The following ATP13A4 variants were observed in gnomAD, a reference collection of about 807,000 sequenced individuals.
The protein encoded by ATP13A4 is ATPase 13A4, also known as probable cation-transporting ATPase 13A4.
Under a neutral mutation model 142.5 loss-of-function variants are expected in ATP13A4, and 114 were observed. The observed-to-expected ratio is 0.80, with a 90% CI of 0.69 to 0.93. The LOEUF (loss-of-function observed/expected upper bound fraction) is 0.93. Among genes scored for constraint, ATP13A4 ranks in the 40% least tolerant of loss-of-function variants. The pLI is 0.00. For missense variants in ATP13A4, 1,392 were observed against 1,454.0 expected (o/e 0.96, Z 0.69); for synonymous variants, 488 against 514.8 (o/e 0.95, Z 0.70).
At chr3:193,570,165 T>A (rs566915359) in intron 2 of ATP13A4, among the ~76,000 whole-genome samples, 1 of 152,010 alleles carries the variant, frequency 6.6e-6, no homozygotes, top group South Asian at 2.1e-4. Flanking sequence ...AATTAAAAAT[T>A]AGCCAGGCGT....
At chr3:193,526,364 C>T (rs1278942150) in intron 1 of ATP13A4, among the ~76,000 whole-genome samples, 2 of 152,096 alleles carry the variant, frequency 1.3e-5, no homozygotes, top group Admixed American at 1.3e-4. Flanking sequence ...AACCAAACAC[C>T]ACATTTTCTC....
intron 26 of ATP13A4, 64 bp from the exon 27 acceptor site, chr3:193,412,435 C>A (rs762614629): frequency 1.4e-6 from 2 of 1,432,726 alleles, no homozygotes; most frequent in Middle Eastern, 2.4e-4. Context: ...GCATTTGTAT[C>A]CAGAAGATTC....
At chr3:193,522,096 G>A (rs901014770) in intron 1 of ATP13A4, among the ~76,000 whole-genome samples, 1 of 152,214 alleles carries the variant, frequency 6.6e-6, no homozygotes, top group African/African-American at 2.4e-5. Context: ...CAGCTGAGCT[G>A]CAGTCTGATT....
chr3:193,430,825 A>G (rs1188385705), intron 25 of ATP13A4, among the ~76,000 whole-genome samples: 2 of 152,116 alleles, frequency 1.3e-5, no homozygotes, highest in Non-Finnish European at 2.9e-5. Context: ...GAAGCATTGG[A>G]GCATTTTAAG....
chr3:193,555,833 C>T (rs913616417), upstream of ATP13A4, among the ~76,000 whole-genome samples: 23 of 152,212 alleles, frequency 1.5e-4, no homozygotes, highest in Non-Finnish European at 3.1e-4. Context: ...TGGCAAAATA[C>T]CTGTATTCCA....
At chr3:193,419,935 C>G (rs1473904609) in intron 25 of ATP13A4, among the ~76,000 whole-genome samples, 1 of 149,976 alleles carries the variant, frequency 6.7e-6, no homozygotes, top group Non-Finnish European at 1.5e-5. Context: ...TATGGAATAC[C>G]ACTGTGCCCC....
intron 3 of ATP13A4, among the ~76,000 whole-genome samples, chr3:193,498,252 A>G (rs1720352820): frequency 6.6e-6 from 1 of 152,024 alleles, no homozygotes; most frequent in Non-Finnish European, 1.5e-5. Flanking sequence ...AGATTAAACC[A>G]GTAAAAAAAA....
At chr3:193,584,129 T>C (rs1414569088) in intron 1 of ATP13A4, among the ~76,000 whole-genome samples, 1 of 152,218 alleles carries the variant, frequency 6.6e-6, no homozygotes, top group Non-Finnish European at 1.5e-5. Flanking sequence ...GCTGTGCATG[T>C]GGCAAAGGGT....
intron 18 of ATP13A4, among the ~76,000 whole-genome samples, chr3:193,444,561 T>C (rs1460034234): frequency 6.6e-6 from 1 of 152,250 alleles, no homozygotes; most frequent in Non-Finnish European, 1.5e-5. Context: ...CTAATTTTCT[T>C]TACTCATGTT....
intron 8 of ATP13A4, among the ~76,000 whole-genome samples, chr3:193,481,544 T>A (rs1577008707): frequency 6.6e-6 from 1 of 152,200 alleles, no homozygotes; most frequent in East Asian, 1.9e-4. Context: ...TTTTTCAGGA[T>A]GTATTACAAA....
intron 25 of ATP13A4, among the ~76,000 whole-genome samples, chr3:193,416,116 C>G (rs1427617932): frequency 6.6e-6 from 1 of 152,144 alleles, no homozygotes; most frequent in African/African-American, 2.4e-5. Flanking sequence ...AAAACATTAG[C>G]TGAACAAAAG....
intron 1 of ATP13A4, among the ~76,000 whole-genome samples, chr3:193,524,585 A>G (rs1356326583): frequency 1.3e-5 from 2 of 152,218 alleles, no homozygotes; most frequent in African/African-American, 4.8e-5. Flanking sequence ...TGCTCAGTGT[A>G]AAGACTCAAG....
chr3:193,571,152 C>T (rs1724255414), intron 2 of ATP13A4, among the ~76,000 whole-genome samples: 1 of 151,962 alleles, frequency 6.6e-6, no homozygotes, highest in Non-Finnish European at 1.5e-5. Context: ...GTGGCGTGGG[C>T]CTGTGATCCC....
chr3:193,543,167 C>CAAAAAAAAAAAA (rs566660322), intron 1 of ATP13A4, among the ~76,000 whole-genome samples: 26 of 115,126 alleles, frequency 2.3e-4, no homozygotes, highest in Non-Finnish European at 3.6e-4. Flanking sequence ...GACTCCATCT[C>CAAAAAAAAAAAA]AAAAAAAAAA....
At chr3:193,579,713 A>T (rs576891361) in intron 2 of ATP13A4, among the ~76,000 whole-genome samples, 69 of 129,160 alleles carry the variant, frequency 5.3e-4, no homozygotes, top group Non-Finnish European at 8.5e-4. Flanking sequence ...CGTGCTCTCC[A>T]AAGTGACCTT....
rs561077176 is a variant in ATP13A4 at position 193,474,491 on chromosome 3, G to C, written c.809-3498C>G. Among the ~76,000 whole-genome samples the C allele has an allele frequency of 4.5e-4, 68 of 150,856 alleles. No homozygotes were observed. In the East Asian group the frequency reaches 9.1e-3, roughly 20 times the overall value. On this transcript the variant is annotated intron_variant, in intron 8 of 29. Transcript: ENST00000342695. ...GTCGAGGCTGCAGTGAGCTATGACT[G>C]CACCATTGCACTCCAGTTGGGCAAC...
intron 17 of ATP13A4, among the ~76,000 whole-genome samples, chr3:193,451,799 GA>G (rs1455386621): frequency 6.6e-6 from 1 of 152,068 alleles, no homozygotes; most frequent in Non-Finnish European, 1.5e-5. Context: ...TAACCACACA[GA>G]AAAAAACCCC....
chr3:193,502,748 T>C (rs1449296192), intron 2 of ATP13A4, 109 bp from the exon 3 acceptor site: 1 of 1,198,504 alleles, frequency 8.3e-7, no homozygotes, highest in Admixed American at 1.8e-5. Context: ...TTGGCGTTAG[T>C]GAATATTCTA....
At chr3:193,503,994 C>CGTGTGTGTGTGTGTGTGTGTGT (rs1491532980) in intron 2 of ATP13A4, among the ~76,000 whole-genome samples, 1 of 108,132 alleles carries the variant, frequency 9.2e-6, no homozygotes, top group African/African-American at 3.7e-5. Context: ...GTTCTGTGTG[C>CGTGTGTGTGTGTGTGTGTGTGT]ATGTGTGTGT....
Sources: allele counts gnomAD v4.1 joint callset (sites outside exome capture counted in the v4.1 genomes callset), GRCh38; gene constraint gnomAD v4.1.1; transcripts MANE v1.5; gene names NCBI Gene and HGNC (gene_info 2026-07-23, HGNC 2026-07-21).